Variants in ABCA13 observed in about 807,000 individuals in gnomAD.
ABCA13 encodes the protein ATP-binding cassette sub-family A member 13.
ABCA13 carries 476 observed loss-of-function variants against 478.7 expected under a neutral mutation model. The observed-to-expected ratio is 0.99, with a 90% CI of 0.92 to 1.07. The LOEUF (loss-of-function observed/expected upper bound fraction) is 1.07, where lower values mean the gene tolerates loss of function less well. ABCA13 is among the 50% of genes least tolerant of loss of function. ABCA13 has a pLI of 0.00. For synonymous variants in ABCA13, 2,252 were observed against 2,158.9 expected (o/e 1.04, Z -1.20); for missense variants, 6,060 against 5,910.6 (o/e 1.03, Z -0.83).
intron 3 of ABCA13, among the ~76,000 whole-genome samples, chr7:48,211,450 T>C (rs1227903734): frequency 6.6e-6 from 1 of 152,182 alleles, no homozygotes; most frequent in Non-Finnish European, 1.5e-5. Context: ...AGTCTCTTGC[T>C]CTCTTCCTTC....
rs1458228720 is a variant in ABCA13, at chr7:48,646,306, T to C, written c.*794T>C. 6.6e-6 allele frequency: 1 copy of C among 152,176 alleles called. No individual in the cohort carries two copies. The highest frequency in any genetic ancestry group is 1.9e-4 in the East Asian group (1 of 5,168). The allele number at this position is 152,176 out of a possible 1,614,324, so 9.4% of individuals were successfully genotyped here. On this transcript the variant is annotated 3_prime_UTR_variant, in exon 62 of 62. Coordinates refer to ENST00000435803, the MANE Select transcript of ABCA13 (RefSeq NM_152701.5). Reference sequence around the variant, plus strand: ...TTTTTGTTATTCTAAGTCAGTGTTTTTCAAAGCGTAGTGGTCCCCATATTA... The same window carrying C: ...TTTTTGTTATTCTAAGTCAGTGTTTCTCAAAGCGTAGTGGTCCCCATATTA...
At chr7:48,578,371 A>C (rs1318577727) in intron 55 of ABCA13, among the ~76,000 whole-genome samples, 1 of 152,178 alleles carries the variant, frequency 6.6e-6, no homozygotes, top group Non-Finnish European at 1.5e-5. Context: ...CATTTATATC[A>C]AGGTTTCAGG....
chr7:48,479,957 G>C (rs1828583789), intron 45 of ABCA13, among the ~76,000 whole-genome samples: 2 of 152,168 alleles, frequency 1.3e-5, no homozygotes, highest in African/African-American at 4.8e-5. Context: ...TGTAATGAAT[G>C]TGAAACTGGC....
chr7:48,468,891 G>A (rs117950306), intron 44 of ABCA13, among the ~76,000 whole-genome samples: 2,867 of 152,254 alleles, frequency 0.019, 30 homozygotes, highest in Non-Finnish European at 0.027. Flanking sequence ...GTCTAAATCC[G>A]ATCTAAAATA....
intron 1 of ABCA13, among the ~76,000 whole-genome samples, chr7:48,185,910 G>C (rs559828708): frequency 1.8e-4 from 28 of 151,688 alleles, no homozygotes; most frequent in African/African-American, 6.8e-4. Flanking sequence ...TATACTTTTT[G>C]GTATCAATCT....
intron 47 of ABCA13, among the ~76,000 whole-genome samples, chr7:48,485,965 C>T (rs73107532): frequency 0.18 from 27,653 of 152,070 alleles, 2,846 homozygotes; most frequent in East Asian, 0.29. Context: ...TTTTGAGTAG[C>T]TCTCAGCCTG....
chr7:48,280,440 C>T (rs1796885108), intron 18 of ABCA13, among the ~76,000 whole-genome samples: 1 of 152,168 alleles, frequency 6.6e-6, no homozygotes, highest in Admixed American at 6.5e-5. Flanking sequence ...AAGTTATGTC[C>T]ATAGAAACCT....
rs1463370469 is a variant in ABCA13, at chr7:48,341,930, C to G, written c.10204+3475C>G. On this transcript the variant is annotated intron_variant, in intron 29 of 61. Transcript: ENST00000435803. ...ATATATATACTCATATATATATACT[C>G]ATATATATATATTCATATATATATA... is the stretch of plus-strand genomic sequence containing the variant. Among the ~76,000 whole-genome samples, 45 of 113,896 alleles carry G rather than the reference C, an allele frequency of 4.0e-4. 1 individual carries two copies. The highest frequency in any genetic ancestry group is 2.0e-3 in the Admixed American group (21 of 10,448). The allele number at this position is 113,896 out of a possible 152,430, so 74.7% of individuals were successfully genotyped here.
rs116675627 is a variant in ABCA13 at position 48,511,978 on chromosome 7, A to G, written c.13640+779A>G. On this transcript the variant is annotated intron_variant, in intron 51 of 61. Transcript: ENST00000435803. Reference sequence around the variant, plus strand: ...AATTATTCAAAACATCTAATTAGAGACAGAGTTTTACTTAAACAAATATAT... The same window carrying G: ...AATTATTCAAAACATCTAATTAGAGGCAGAGTTTTACTTAAACAAATATAT... Among the ~76,000 whole-genome samples, 1,506 of 152,304 alleles carry G rather than the reference A, an allele frequency of 9.9e-3. 30 individuals are homozygous for G. The highest frequency in any genetic ancestry group is 0.034 in the African/African-American group (1,406 of 41,562).
chr7:48,364,862 A>G (rs899073638), intron 31 of ABCA13, among the ~76,000 whole-genome samples: 2 of 152,178 alleles, frequency 1.3e-5, no homozygotes, highest in African/African-American at 2.4e-5. Context: ...TAAGTCTGCA[A>G]TAAACATGGG....
intron 55 of ABCA13, among the ~76,000 whole-genome samples, chr7:48,573,754 A>G (rs558733784): frequency 2.4e-4 from 37 of 152,142 alleles, no homozygotes; most frequent in African/African-American, 8.7e-4. Context: ...CAACAAGAAC[A>G]ACAACAGAAC....
At position 48,272,873 on chromosome 7, in the gene ABCA13, C is replaced by T. The variant is rs1402828581; in HGVS notation, c.3207C>T (p.Leu1069=). 1.9e-6 allele frequency: 3 copies of T among 1,607,432 alleles called. No individual in the cohort carries two copies. The highest frequency in any genetic ancestry group is 2.6e-6 in the Non-Finnish European group (3 of 1,176,170). ...CTTTGACAGGCCTCAAACAGCTGCT[C>T]ATAATTGATGAAGATTTTCGTATTT... The part of the protein sequence containing the change: ...HTTLTGLKQL[L]IIDEDFRISL... The change falls in exon 17 of 62, where the codon CTC becomes CTT. Residue 1069 remains leucine, a synonymous_variant. Transcript: ENST00000435803.
At chr7:48,516,674 T>C in intron 51 of ABCA13, 51 bp from the exon 52 acceptor site, 8 of 1,576,974 alleles carry the variant, frequency 5.1e-6, no homozygotes, top group Non-Finnish European at 6.9e-6. Flanking sequence ...TAGATAAAAC[T>C]ACTGTAAATG....
chr7:48,287,249 A>T, intron 19 of ABCA13, among the ~76,000 whole-genome samples: 1 of 152,246 alleles, frequency 6.6e-6, no homozygotes. Flanking sequence ...CTGCGGAAAG[A>T]CATTGGATGC....
intron 55 of ABCA13, among the ~76,000 whole-genome samples, chr7:48,551,061 A>C (rs1785276263): frequency 6.6e-6 from 1 of 151,652 alleles, no homozygotes; most frequent in African/African-American, 2.4e-5. Context: ...TTTTTCTTTA[A>C]ATATTGATGT....
intron 56 of ABCA13, among the ~76,000 whole-genome samples, chr7:48,585,670 T>G (rs35621720): frequency 0.061 from 9,222 of 152,264 alleles, 346 homozygotes; most frequent in African/African-American, 0.11. Context: ...TAGTTTATAT[T>G]TATTCAGTTA....
intron 29 of ABCA13, among the ~76,000 whole-genome samples, chr7:48,350,039 C>T (rs12536533): frequency 6.6e-6 from 1 of 152,316 alleles, no homozygotes; most frequent in East Asian, 1.9e-4. Context: ...GCCTTTTGCC[C>T]TGAAAATGTT....
chr7:48,508,952 C>T (rs529233997), intron 50 of ABCA13, among the ~76,000 whole-genome samples: 10 of 152,238 alleles, frequency 6.6e-5, no homozygotes, highest in African/African-American at 1.9e-4. Context: ...TACAATTTAT[C>T]GGGGTCACAC....
intron 15 of ABCA13, among the ~76,000 whole-genome samples, chr7:48,254,557 A>G (rs1793099414): frequency 6.6e-6 from 1 of 152,224 alleles, no homozygotes. Flanking sequence ...TCTTTTTATT[A>G]AATGCATTTC....
Sources: gnomAD v4.1 joint callset for allele counts (sites outside exome capture counted in the v4.1 genomes callset) on GRCh38, gnomAD v4.1.1 for gene constraint, MANE v1.5 for transcripts, NCBI Gene and HGNC (gene_info 2026-07-23, HGNC 2026-07-21) for gene names.